MTTP: variants seen among roughly 807,000 people sequenced by gnomAD.
MTTP encodes microsomal triglyceride transfer protein large subunit.
In MTTP, 49 loss-of-function variants were observed where a neutral mutation model predicts 90.6. The ratio of observed to expected loss-of-function variants is 0.54; its 90% CI spans 0.43 to 0.69. MTTP has a LOEUF of 0.69. MTTP is among the 30% of genes least tolerant of loss of function. The pLI is 0.00. For synonymous variants in MTTP, 347 were observed against 384.2 expected (o/e 0.90, Z 1.13); for missense variants, 945 against 1,067.5 (o/e 0.89, Z 1.60).
In MTTP at chr4:99,623,824, T is replaced by C. The variant is rs984446330; in HGVS notation, c.*976T>C. The C allele has an allele frequency of 6.6e-6, 1 of 152,168 alleles. No individual in the cohort carries two copies. Among genetic ancestry groups the C allele is most frequent in the Non-Finnish European group, 1.5e-5 (1 of 68,028 alleles). The allele number at this position is 152,168 out of a possible 1,614,324, so 9.4% of individuals were successfully genotyped here. A position where few individuals can be genotyped will look rare whatever the true frequency, so the allele number is the denominator to read the frequency against. On this transcript the variant is annotated 3_prime_UTR_variant, in exon 18 of 18. Transcript: ENST00000265517. Reference sequence around the variant, plus strand: ...GTTTTTATTTGTATGAATTAAAAGATCCATGTTGAACATTTGCAAATATTT... The same window carrying C: ...GTTTTTATTTGTATGAATTAAAAGACCCATGTTGAACATTTGCAAATATTT...
rs1725943567 is a variant in MTTP at position 99,611,193 on chromosome 4, G to A, written c.1820G>A (p.Arg607His). Residue 607 changes from arginine (R) to histidine (H), a missense_variant, in exon 13 of 18, where the codon CGT becomes CAT. Transcript: ENST00000265517. ...LKEMVAHNYD[R>H]FSRSGSSSAY... The stretch of plus-strand genomic sequence containing the variant: ...GAAATGGTCGCTCACAATTATGACC[G>A]TTTCTCCAGGAGTGGATCTTCTTCT... 5 of 1,613,708 alleles carry A rather than the reference G, an allele frequency of 3.1e-6. No individual in the cohort carries two copies. The South Asian group carries it at 3.3e-5, about 11-fold the overall frequency.
chr4:99,580,408 C>G (rs1409558895), intron 1 of MTTP, among the ~76,000 whole-genome samples: 1 of 151,056 alleles, frequency 6.6e-6, no homozygotes, highest in Non-Finnish European at 1.5e-5. Flanking sequence ...AACCCCGTCT[C>G]TACTAAAAAT....
chr4:99,610,297 G>C (rs560694501), intron 12 of MTTP, among the ~76,000 whole-genome samples: 1 of 152,108 alleles, frequency 6.6e-6, no homozygotes, highest in Non-Finnish European at 1.5e-5. Flanking sequence ...AGCAAAACAC[G>C]TCTAGTCATT....
rs758162640 is a variant in MTTP at position 99,589,697 on chromosome 4, A to G, written c.448A>G (p.Arg150Gly). The change falls in exon 4 of 18, where the codon AGA becomes GGA. Residue 150 changes from arginine (R) to glycine (G), a missense_variant. Physicochemically the swap from Arg to Gly is moderately radical, Grantham distance 125. Coordinates refer to ENST00000265517, the MANE Select transcript of MTTP (RefSeq NM_001386140.1). ...GGCAGTGGCCATAGAAAATATCAAG[A>G]GAGGTCTGGCTAGCCTATTTCAGAC... ...NEAVAIENIKRGLASLFQTQL... is the reference protein window; with the variant it reads ...NEAVAIENIKGGLASLFQTQL... The G allele has an allele frequency of 5.0e-6, 8 of 1,610,758 alleles. No individual in the cohort carries two copies. Among genetic ancestry groups the G allele is most frequent in the Non-Finnish European group, 5.1e-6 (6 of 1,177,208 alleles).
chr4:99,602,096 C>CT (rs1725714216), intron 10 of MTTP, among the ~76,000 whole-genome samples: 1 of 152,022 alleles, frequency 6.6e-6, no homozygotes, highest in African/African-American at 2.4e-5. Context: ...GTATGATATA[C>CT]TTCTTGTTTT....
chr4:99,604,931 C>T (rs1725777884), intron 10 of MTTP, among the ~76,000 whole-genome samples: 1 of 152,174 alleles, frequency 6.6e-6, no homozygotes, highest in African/African-American at 2.4e-5. Context: ...TCTTTTTGTC[C>T]TTAGAATATA....
chr4:99,586,097 T>C (rs533418951), intron 3 of MTTP, among the ~76,000 whole-genome samples: 15 of 152,248 alleles, frequency 9.9e-5, no homozygotes, highest in Admixed American at 9.2e-4. Context: ...GTAATTTTTG[T>C]CCTTCCAGAC....
chr4:99,608,420 G>C (rs1414199148), intron 11 of MTTP, among the ~76,000 whole-genome samples: 1 of 152,144 alleles, frequency 6.6e-6, no homozygotes, highest in Non-Finnish European at 1.5e-5. Context: ...ACTCCAGCCT[G>C]GGCAACAAAG....
upstream of MTTP, among the ~76,000 whole-genome samples, chr4:99,570,024 T>C (rs1350669718): frequency 6.6e-6 from 1 of 151,220 alleles, no homozygotes; most frequent in Non-Finnish European, 1.5e-5. Context: ...TTTTTAATGT[T>C]TTTTTTTTGT....
rs550293239 is a variant in MTTP at position 99,591,688 on chromosome 4, C to T, written c.656C>T (p.Thr219Ile). ...GVSSKATSVT[T>I]YKIEDSFVIA... ...AGTTCAAAAGCTACATCTGTCACCA[C>T]CTATAAGATAGAAGACAGCTTTGTT... is the stretch of plus-strand genomic sequence containing the variant. The change falls in exon 6 of 18, where the codon ACC becomes ATC. Residue 219 changes from threonine to isoleucine, a missense_variant. By Grantham distance (89) the Thr-to-Ile change is moderately conservative (BLOSUM62 -1). Coordinates refer to ENST00000265517, the MANE Select transcript of MTTP (RefSeq NM_001386140.1). 6.2e-7 allele frequency: 1 copy of T among 1,612,906 alleles called. No individual in the cohort carries two copies. Among genetic ancestry groups the T allele is most frequent in the East Asian group, 2.2e-5 (1 of 44,808 alleles).
intron 3 of MTTP, among the ~76,000 whole-genome samples, chr4:99,586,774 C>T (rs563379376): frequency 7.0e-4 from 107 of 152,220 alleles, no homozygotes; most frequent in Non-Finnish European, 1.3e-3. Flanking sequence ...AAGGCATCTT[C>T]TTCCTAAGGA....
Position 99,601,608 on chromosome 4 carries a change from G to GT in MTTP, c.1239dup (p.Lys414Ter). On this transcript the variant is annotated frameshift_variant and splice_region_variant, in exon 10 of 18. Coordinates refer to ENST00000265517, the MANE Select transcript of MTTP (RefSeq NM_001386140.1). LOFTEE classifies it high-confidence loss of function. ...ATTTTATCCCTGTTTGGTTAATAGA[G>GT]TAAGTTCAAAGGTTCTATTGGTAGC... 1 of 1,605,418 alleles carries GT rather than the reference G, an allele frequency of 6.2e-7. No homozygotes were observed. The highest frequency in any genetic ancestry group is 8.5e-7 in the Non-Finnish European group (1 of 1,172,466).
intron 10 of MTTP, among the ~76,000 whole-genome samples, chr4:99,606,170 C>A (rs1725813317): frequency 6.6e-6 from 1 of 152,110 alleles, no homozygotes; most frequent in African/African-American, 2.4e-5. Flanking sequence ...GACAAAAGGA[C>A]TTTTCTGATT....
At chr4:99,608,648 C>G (rs1725877674) in intron 11 of MTTP, 118 bp from the exon 12 acceptor site, 1 of 834,248 alleles carries the variant, frequency 1.2e-6, no homozygotes, top group East Asian at 2.6e-5. Flanking sequence ...ACAAAGGAAT[C>G]TGGGAAATGT....
intron 6 of MTTP, among the ~76,000 whole-genome samples, chr4:99,591,996 G>GA (rs1725435846): frequency 6.6e-6 from 1 of 152,152 alleles, no homozygotes; most frequent in East Asian, 1.9e-4. Context: ...CACAAACCTA[G>GA]ATGGCATAGC....
chr4:99,601,777 C>A, intron 10 of MTTP, 63 bp downstream of exon 10: 2 of 1,243,808 alleles, frequency 1.6e-6, no homozygotes, highest in South Asian at 1.2e-5. Context: ...TGATACTCAC[C>A]ATGCTGCCTA....
chr4:99,599,250 T>C (rs1418986396), intron 8 of MTTP, among the ~76,000 whole-genome samples: 1 of 152,206 alleles, frequency 6.6e-6, no homozygotes, highest in African/African-American at 2.4e-5. Flanking sequence ...CTGGTAAGTT[T>C]TGAATATTTT....
chr4:99,615,445 A>G (rs1415302852), intron 15 of MTTP, among the ~76,000 whole-genome samples: 2 of 152,230 alleles, frequency 1.3e-5, no homozygotes, highest in African/African-American at 4.8e-5. Flanking sequence ...GGCATATTCT[A>G]TGAGAAAGAT....
In MTTP at chr4:99,600,573, T is replaced by C; in HGVS notation, c.1076T>C (p.Leu359Pro). 6.2e-7 allele frequency: 1 copy of C among 1,613,636 alleles called. No individual in the cohort carries two copies. ...KMENKEVLPQ[L>P]VDAVTSAQTS... ...TATGCCTTTTTTTATAGACCTCAGC[T>C]GGTGGATGCTGTCACCTCTGCTCAG... The change falls in exon 9 of 18, where the codon CTG becomes CCG. Residue 359 changes from leucine (L) to proline (P), a missense_variant. Physicochemically the swap from Leu to Pro is moderately conservative, Grantham distance 98. Transcript: ENST00000265517.
Sources: allele counts gnomAD v4.1 joint callset (sites outside exome capture counted in the v4.1 genomes callset), GRCh38; gene constraint gnomAD v4.1.1; transcripts MANE v1.5; gene names NCBI Gene and HGNC (gene_info 2026-07-23, HGNC 2026-07-21).